Variants in PC observed in about 807,000 individuals in gnomAD.
The protein encoded by PC is pyruvate carboxylase.
PC carries 46 observed loss-of-function variants against 107.8 expected under a neutral mutation model. The observed-to-expected ratio is 0.43, with a 90% CI of 0.34 to 0.55. The LOEUF is 0.55. Ranked by LOEUF, PC falls within the 20% of genes least tolerant of loss-of-function variation. The probability of loss-of-function intolerance (pLI) is 0.04; values close to 1 mark genes in which losing one functional copy is unlikely to be tolerated. For synonymous variants in PC, 662 were observed against 684.7 expected, an observed-to-expected ratio of 0.97 and a Z score of 0.52; for missense variants, 1,241 against 1,643.1, an observed-to-expected ratio of 0.76 and a Z score of 4.23.
rs1409686911 is a variant in PC, at chr11:66,851,151, G to A, written c.2112C>T (p.Ile704=). 6 of 1,612,458 alleles carry A rather than the reference G, an allele frequency of 3.7e-6. No homozygotes were observed. The highest frequency in any genetic ancestry group is 5.1e-6 in the Non-Finnish European group (6 of 1,180,032). ...GGTCGGCCACGTCGCCCGTGTATGA[G>A]ATGGCAGCCTCCACCACGCCTCCGG... ...GSAGGVVEAA[I]SYTGDVADPS... The change falls in exon 17 of 23, where the codon ATC becomes ATT. Residue 704 remains isoleucine (I), a synonymous_variant. Transcript: ENST00000393960.
rs368272906 is a variant in PC at position 66,930,468 on chromosome 11, G to A, written c.-1+21962C>T. On this transcript the variant is annotated intron_variant, in intron 3 of 22. Coordinates refer to ENST00000393960, the MANE Select transcript of PC (RefSeq NM_001040716.2). The stretch of plus-strand genomic sequence containing the variant: ...ATATGTAAGAATGTTCCTGCTGGAC[G>A]TGGTGGCTCATGCCTGTAATCCCAG... Among the ~76,000 whole-genome samples the A allele has an allele frequency of 2.2e-4, 34 of 152,250 alleles. No individual in the cohort carries two copies. In the South Asian group the frequency reaches 6.0e-3, roughly 27 times the overall value.
chr11:66,955,710 G>A (rs1440973413), intron 1 of PC, among the ~76,000 whole-genome samples: 2 of 152,074 alleles, frequency 1.3e-5, no homozygotes, highest in East Asian at 1.9e-4. Context: ...GAACACCATG[G>A]GACACAATCT....
chr11:66,858,584 G>A lies in PC; in HGVS notation c.1368+5190C>T, dbSNP rs1230364414. ...CCGAGGGCGAGTTCTCCTGTGAGCC[G>A]CCCCTCATTGCCCGCCACACGCAGC... On this transcript the variant is annotated intron_variant, in intron 12 of 22. Coordinates refer to ENST00000393960, the MANE Select transcript of PC (RefSeq NM_001040716.2). The surrounding 1 kb of genome is among the most constrained non-coding windows in gnomAD (Gnocchi z 5.9). The A allele has an allele frequency of 7.0e-5, 107 of 1,532,408 alleles. No individual in the cohort carries two copies. The highest frequency in any genetic ancestry group is 8.9e-5 in the Non-Finnish European group (102 of 1,143,384). 94.9% of individuals were successfully genotyped at this position (1,532,408 alleles called of 1,614,324 possible).
At chr11:66,921,475 C>T (rs1268229860) in intron 3 of PC, among the ~76,000 whole-genome samples, 2 of 152,186 alleles carry the variant, frequency 1.3e-5, no homozygotes, top group African/African-American at 4.8e-5. Context: ...AAGCCAAAGA[C>T]TCTGCAAAGG....
intron 3 of PC, among the ~76,000 whole-genome samples, chr11:66,883,164 G>A (rs1384119670): frequency 6.6e-6 from 1 of 152,170 alleles, no homozygotes; most frequent in Non-Finnish European, 1.5e-5. Flanking sequence ...AGGAGCAGCC[G>A]AGGGGGAAAG....
At chr11:66,901,765 G>A (rs998986821) in intron 3 of PC, among the ~76,000 whole-genome samples, 4 of 151,754 alleles carry the variant, frequency 2.6e-5, no homozygotes, top group South Asian at 2.1e-4. Flanking sequence ...GAGCCACCAC[G>A]CCCAGCCAGG....
rs1349380183 is a variant in PC, at chr11:66,873,692, G to C, written c.1-1533C>G. Among the ~76,000 whole-genome samples the C allele has an allele frequency of 4.0e-5, 6 of 149,390 alleles. No homozygotes were observed. In the East Asian group the frequency reaches 9.9e-4, roughly 25 times the overall value. On this transcript the variant is annotated intron_variant, in intron 3 of 22. Coordinates refer to ENST00000393960, the MANE Select transcript of PC (RefSeq NM_001040716.2). ...AGGTACAGTGGAGACTAAAAAGACA[G>C]CTGCCCAGCACAGAGCCCAAGCCAA...
chr11:66,946,753 C>T (rs1322634715), intron 3 of PC, among the ~76,000 whole-genome samples: 3 of 152,086 alleles, frequency 2.0e-5, no homozygotes, highest in African/African-American at 7.2e-5. Context: ...CGCATCAGTG[C>T]AAGCCAGCCT....
intron 10 of PC, among the ~76,000 whole-genome samples, chr11:66,868,575 G>GGA (rs1219894297): frequency 6.6e-6 from 1 of 152,206 alleles, no homozygotes; most frequent in African/African-American, 2.4e-5. Flanking sequence ...CTGACAGATG[G>GGA]GAGCACCTGG....
intron 3 of PC, among the ~76,000 whole-genome samples, chr11:66,930,691 A>G (rs1359468594): frequency 6.7e-6 from 1 of 150,246 alleles, no homozygotes; most frequent in Non-Finnish European, 1.5e-5. Context: ...GTAGTGAGCC[A>G]AGATCACACC....
At chr11:66,955,036 G>A (rs551622136) in intron 1 of PC, among the ~76,000 whole-genome samples, 1 of 151,982 alleles carries the variant, frequency 6.6e-6, no homozygotes, top group East Asian at 1.9e-4. Flanking sequence ...CAGATTTACT[G>A]CCATACTGAC....
At chr11:66,862,682 A>C (rs1049630382) in intron 12 of PC, among the ~76,000 whole-genome samples, 4 of 152,226 alleles carry the variant, frequency 2.6e-5, no homozygotes, top group African/African-American at 9.6e-5. Context: ...TCAAAGGCCG[A>C]GGCGGCATTT....
In PC at chr11:66,849,597, C is replaced by A; in HGVS notation, c.3147+14G>T. The stretch of plus-strand genomic sequence containing the variant: ...GGCCAGGGTGGAGTGTGGAGAAGCG[C>A]CAGAGCCACTGACCTCAAACTCCTC... On this transcript the variant is annotated intron_variant, in intron 21 of 22. Transcript: ENST00000393960. The A allele has an allele frequency of 6.2e-7, 1 of 1,614,092 alleles. No individual in the cohort carries two copies. Among genetic ancestry groups the A allele is most frequent in the Non-Finnish European group, 8.5e-7 (1 of 1,180,040 alleles).
intron 3 of PC, among the ~76,000 whole-genome samples, chr11:66,890,968 T>C (rs1041652115): frequency 1.3e-5 from 2 of 152,150 alleles, no homozygotes; most frequent in African/African-American, 4.8e-5. Flanking sequence ...ATGAATAACT[T>C]TGACCCCATA....
rs1304667979 is a variant in PC at position 66,853,360 on chromosome 11, A to G, written c.1392T>C (p.Asn464=). 6.2e-7 allele frequency: 1 copy of G among 1,603,756 alleles called. No homozygotes were observed. Among genetic ancestry groups the G allele is most frequent in the Non-Finnish European group, 8.5e-7 (1 of 1,173,418 alleles). Residue 464 remains asparagine, a synonymous_variant, in exon 13 of 23, where the codon AAT becomes AAC. Transcript: ENST00000393960. Reference sequence around the variant, plus strand: ...CCAGGAACTGCTGGTTGTTGAGCACATTCTGCAGGAAGGCGATGTTGGTCT... The same window carrying G: ...CCAGGAACTGCTGGTTGTTGAGCACGTTCTGCAGGAAGGCGATGTTGGTCT... The part of the protein sequence containing the change: ...GVKTNIAFLQ[N]VLNNQQFLAG...
intron 3 of PC, among the ~76,000 whole-genome samples, chr11:66,920,678 G>GT (rs1318698429): frequency 5.3e-5 from 8 of 152,132 alleles, no homozygotes; most frequent in Non-Finnish European, 8.8e-5. Context: ...CTTCTGTGGG[G>GT]TATCAGAACT....
chr11:66,898,618 C>A (rs376573519), intron 3 of PC, among the ~76,000 whole-genome samples: 4 of 151,996 alleles, frequency 2.6e-5, no homozygotes, highest in African/African-American at 9.7e-5. Flanking sequence ...AGGTGGAGGT[C>A]GCAGTAAGCC....
At chr11:66,951,806 C>G (rs973208857) in intron 3 of PC, among the ~76,000 whole-genome samples, 3 of 151,766 alleles carry the variant, frequency 2.0e-5, no homozygotes, top group Admixed American at 6.6e-5. Context: ...AGGAGAATTG[C>G]TTGAACCCAG....
intron 3 of PC, among the ~76,000 whole-genome samples, chr11:66,924,390 T>A (rs1415857327): frequency 1.4e-4 from 9 of 65,348 alleles, no homozygotes; most frequent in African/African-American, 3.3e-4. Context: ...AAAAAAAAAA[T>A]TAGCTAGGCA....
Sources: gnomAD v4.1 joint callset for allele counts (sites outside exome capture counted in the v4.1 genomes callset) on GRCh38, gnomAD v4.1.1 for gene constraint, Gnocchi (gnomAD v3.1) non-coding constraint, MANE v1.5 for transcripts, NCBI Gene and HGNC (gene_info 2026-07-23, HGNC 2026-07-21) for gene names.